Variants in MARCHF1 observed in about 807,000 individuals in gnomAD.
The protein encoded by MARCHF1 is E3 ubiquitin-protein ligase MARCHF1.
MARCHF1 carries 40 observed loss-of-function variants against 54.2 expected under a neutral mutation model. The ratio of observed to expected loss-of-function variants is 0.74; its 90% CI spans 0.57 to 0.96. The LOEUF is 0.96. Ranked by LOEUF, MARCHF1 falls within the 40% of genes least tolerant of loss-of-function variation. The pLI is 0.00. For synonymous variants in MARCHF1, 236 were observed against 236.3 expected, an observed-to-expected ratio of 1.00 and a Z score of 0.01; for missense variants, 586 against 656.5, an observed-to-expected ratio of 0.89 and a Z score of 1.17.
chr4:163,885,793 C>A (rs917596316), intron 3 of MARCHF1, among the ~76,000 whole-genome samples: 1 of 151,718 alleles, frequency 6.6e-6, no homozygotes, highest in Admixed American at 6.6e-5. Context: ...TGGGGGGGTG[C>A]AGGTGCACTG....
intron 9 of MARCHF1, among the ~76,000 whole-genome samples, chr4:163,542,320 C>A (rs1388163062): frequency 2.0e-5 from 3 of 152,222 alleles, no homozygotes; most frequent in Non-Finnish European, 4.4e-5. Context: ...GACTACTTGC[C>A]TGGTCCCAGA....
intron 2 of MARCHF1, among the ~76,000 whole-genome samples, chr4:164,010,925 T>C (rs1753407443): frequency 6.6e-6 from 1 of 151,922 alleles, no homozygotes; most frequent in Admixed American, 6.6e-5. Context: ...CATAGACCAA[T>C]AGAACAGAAT....
intron 2 of MARCHF1, among the ~76,000 whole-genome samples, chr4:164,034,511 T>C (rs968203229): frequency 2.6e-5 from 4 of 152,158 alleles, no homozygotes; most frequent in Admixed American, 6.6e-5. Context: ...GTCAAAAAGA[T>C]ACATGCAACT....
chr4:164,345,390 A>G (rs1730059873), intron 1 of MARCHF1, among the ~76,000 whole-genome samples: 1 of 151,942 alleles, frequency 6.6e-6, no homozygotes, highest in Non-Finnish European at 1.5e-5. Flanking sequence ...AACATGGTGA[A>G]TCCCTGTCCT....
intron 1 of MARCHF1, among the ~76,000 whole-genome samples, chr4:164,220,517 GTAATATATA>G (rs1255938240): frequency 6.9e-6 from 1 of 144,298 alleles, no homozygotes; most frequent in Non-Finnish European, 1.5e-5. Context: ...GCATATATAT[GTAATATATA>G]TGATATATAT....
chr4:163,778,584 A>G (rs1747371114), intron 4 of MARCHF1, among the ~76,000 whole-genome samples: 1 of 152,190 alleles, frequency 6.6e-6, no homozygotes, highest in Non-Finnish European at 1.5e-5. Flanking sequence ...TTTTAAAATC[A>G]TGAATGGAAT....
intron 8 of MARCHF1, among the ~76,000 whole-genome samples, chr4:163,560,782 T>C (rs1282854378): frequency 2.0e-5 from 3 of 152,210 alleles, no homozygotes; most frequent in Non-Finnish European, 4.4e-5. Context: ...TTAAATGCTA[T>C]TGCAAATAAT....
chr4:164,160,726 A>G (rs1234640713), intron 1 of MARCHF1, among the ~76,000 whole-genome samples: 2 of 152,190 alleles, frequency 1.3e-5, no homozygotes, highest in Admixed American at 6.6e-5. Context: ...TCTCATTACA[A>G]AACTCCAACT....
chr4:164,165,435 C>A (rs1333489342), intron 1 of MARCHF1, among the ~76,000 whole-genome samples: 3 of 151,590 alleles, frequency 2.0e-5, no homozygotes, highest in Non-Finnish European at 4.4e-5. Flanking sequence ...AGAAGATAAC[C>A]TTCTGCAAGA....
chr4:164,171,602 A>C (rs77451521), intron 1 of MARCHF1, among the ~76,000 whole-genome samples: 58,023 of 151,790 alleles, frequency 0.38, 12,322 homozygotes, highest in Non-Finnish European at 0.49. Flanking sequence ...TATTTTTTCC[A>C]AAGGTTATTA....
chr4:164,297,259 T>C (rs1177126588), intron 1 of MARCHF1, among the ~76,000 whole-genome samples: 1 of 152,140 alleles, frequency 6.6e-6, no homozygotes, highest in African/African-American at 2.4e-5. Flanking sequence ...TAATGACTCA[T>C]TTTCAAAGAA....
chr4:164,119,303 AATAATG>A (rs1409422055), intron 1 of MARCHF1, among the ~76,000 whole-genome samples: 2 of 151,658 alleles, frequency 1.3e-5, no homozygotes, highest in South Asian at 2.1e-4. Flanking sequence ...TATCTCAAAA[AATAATG>A]ATAATGAAAA....
At chr4:164,115,393 C>T (rs1017016853) in intron 1 of MARCHF1, among the ~76,000 whole-genome samples, 2 of 151,952 alleles carry the variant, frequency 1.3e-5, no homozygotes, top group African/African-American at 4.8e-5. Context: ...TTGTTGAACA[C>T]ATAATATACA....
chr4:164,014,259 G>T (rs1364368710), intron 2 of MARCHF1, among the ~76,000 whole-genome samples: 1 of 151,274 alleles, frequency 6.6e-6, no homozygotes, highest in African/African-American at 2.4e-5. Flanking sequence ...GAATAAAAAA[G>T]TGTAGAGGTT....
chr4:163,928,104 T>C (rs1490156720), intron 3 of MARCHF1, among the ~76,000 whole-genome samples: 2 of 151,882 alleles, frequency 1.3e-5, no homozygotes, highest in African/African-American at 4.8e-5. Context: ...CTTGAGAAAT[T>C]CTCTATGTAA....
chr4:164,261,517 T>C (rs1467648258), intron 1 of MARCHF1, among the ~76,000 whole-genome samples: 1 of 152,186 alleles, frequency 6.6e-6, no homozygotes, highest in African/African-American at 2.4e-5. Flanking sequence ...AATAAAATCC[T>C]AACACTTAAG....
chr4:163,550,450 G>C (rs747853704), intron 8 of MARCHF1, among the ~76,000 whole-genome samples: 21 of 150,946 alleles, frequency 1.4e-4, no homozygotes, highest in Non-Finnish European at 2.5e-4. Flanking sequence ...TAGAATGATA[G>C]ACCAAAAAAT....
intron 1 of MARCHF1, among the ~76,000 whole-genome samples, chr4:164,145,084 C>A (rs370601458): frequency 2.8e-5 from 4 of 142,606 alleles, no homozygotes; most frequent in South Asian, 2.2e-4. Context: ...GAAATGGATA[C>A]ATTCCTCGAC....
intron 5 of MARCHF1, among the ~76,000 whole-genome samples, chr4:163,692,377 T>A (rs1744488784): frequency 6.6e-6 from 1 of 152,112 alleles, no homozygotes; most frequent in South Asian, 2.1e-4. Context: ...AAAGTGGTAT[T>A]TGAGTAGAAA....
Sources: gnomAD v4.1 joint callset for allele counts (sites outside exome capture counted in the v4.1 genomes callset) on GRCh38, gnomAD v4.1.1 for gene constraint, MANE v1.5 for transcripts, NCBI Gene and HGNC (gene_info 2026-07-23, HGNC 2026-07-21) for gene names.